NSD1: variants seen among roughly 807,000 people sequenced by gnomAD.
The protein encoded by NSD1 is histone-lysine N-methyltransferase, H3 lysine-36 specific.
NSD1 carries 26 observed loss-of-function variants against 242.7 expected under a neutral mutation model. That is an observed-to-expected ratio of 0.11 (90% CI 0.08 to 0.15). NSD1 has a LOEUF of 0.15. NSD1 is among the 10% of genes least tolerant of loss of function. The pLI, the probability that NSD1 is intolerant of heterozygous loss-of-function variation, is 1.00. For synonymous variants in NSD1, 1,106 were observed against 1,178.1 expected, an observed-to-expected ratio of 0.94 and a Z score of 1.25; for missense variants, 2,495 against 3,272.8, an observed-to-expected ratio of 0.76 and a Z score of 5.80.
At chr5:177,214,086 C>T (rs2149853267) in intron 5 of NSD1, among the ~76,000 whole-genome samples, 1 of 152,116 alleles carries the variant, frequency 6.6e-6, no homozygotes, top group South Asian at 2.1e-4. Context: ...AATTCCAGCA[C>T]TCTGGGAGGC....
intron 2 of NSD1, among the ~76,000 whole-genome samples, chr5:177,164,579 A>G (rs947237100): frequency 2.6e-5 from 4 of 152,144 alleles, no homozygotes; most frequent in Non-Finnish European, 5.9e-5. Context: ...CTTTCTGTAT[A>G]TTATACTGGA....
intron 2 of NSD1, among the ~76,000 whole-genome samples, chr5:177,161,233 T>C (rs961225334): frequency 8.6e-5 from 13 of 151,896 alleles, no homozygotes; most frequent in Non-Finnish European, 1.5e-5. Context: ...AAAAAATAAA[T>C]TAGCTGGGTG....
chr5:177,266,514 G>T, intron 14 of NSD1: 1 of 631,936 alleles, frequency 1.6e-6, no homozygotes, highest in Non-Finnish European at 2.8e-6. Context: ...TGCCCTCGAC[G>T]TTCGGCTTCT....
intron 2 of NSD1, chr5:177,136,774 A>T: frequency 1.8e-6 from 1 of 569,640 alleles, no homozygotes; most frequent in Non-Finnish European, 3.2e-6. Flanking sequence ...TTGTATCACC[A>T]TTAGCTCTTG....
chr5:177,265,936 T>C (rs1432409464), intron 14 of NSD1: 6 of 1,323,114 alleles, frequency 4.5e-6, no homozygotes, highest in Non-Finnish European at 6.5e-6. Flanking sequence ...CTACCTCCTT[T>C]ATGAGGCAGG....
intron 21 of NSD1, 67 bp from the exon 22 acceptor site, chr5:177,291,887 G>A (rs1282167304): frequency 9.1e-6 from 13 of 1,435,980 alleles, no homozygotes; most frequent in East Asian, 2.3e-5. Flanking sequence ...AGAGAGGGTA[G>A]TTAACCCGGT....
chr5:177,197,195 G>A (rs1434612133), intron 3 of NSD1, among the ~76,000 whole-genome samples: 1 of 151,836 alleles, frequency 6.6e-6, no homozygotes, highest in African/African-American at 2.4e-5. Context: ...GCTTAAACTT[G>A]GGAGGTGGAA....
chr5:177,173,034 G>GCA (rs1201422918), intron 2 of NSD1, among the ~76,000 whole-genome samples: 2 of 150,726 alleles, frequency 1.3e-5, no homozygotes, highest in Non-Finnish European at 3.0e-5. Flanking sequence ...GGTGGCTCAC[G>GCA]TGTAATCCCA....
At chr5:177,265,670 C>T (rs1237034178) in intron 14 of NSD1, 10 of 1,609,478 alleles carry the variant, frequency 6.2e-6, no homozygotes, top group Admixed American at 5.0e-5. Context: ...GGCGTTGGGC[C>T]GCATGCCGAT....
upstream of NSD1, among the ~76,000 whole-genome samples, chr5:177,132,000 G>A (rs1755918707): frequency 6.6e-6 from 1 of 152,204 alleles, no homozygotes; most frequent in South Asian, 2.1e-4. Flanking sequence ...AGGGCCCGAG[G>A]GGCTGGAGTC....
intron 15 of NSD1, among the ~76,000 whole-genome samples, chr5:177,268,367 A>G (rs1757683622): frequency 6.6e-6 from 1 of 150,524 alleles, no homozygotes; most frequent in Non-Finnish European, 1.5e-5. Flanking sequence ...TAGGAGATAT[A>G]CCTAATGCTA....
intron 5 of NSD1, among the ~76,000 whole-genome samples, chr5:177,216,789 G>A (rs893232524): frequency 4.0e-5 from 6 of 151,236 alleles, no homozygotes; most frequent in South Asian, 2.1e-4. Flanking sequence ...CCCAAAAAGC[G>A]GGGATTACAG....
Position 177,201,740 on chromosome 5 carries a change from G to A in NSD1, c.1064-2380G>A, listed in dbSNP as rs187721840. On this transcript the variant is annotated intron_variant, in intron 3 of 22. Coordinates refer to ENST00000439151, the MANE Select transcript of NSD1 (RefSeq NM_022455.5). The stretch of plus-strand genomic sequence containing the variant: ...CGCCCGGCTACTTTTTGTATTTTTA[G>A]TAGAGACAGGGCTTTACCATGTTGG... Among the ~76,000 whole-genome samples, 35 of 151,426 alleles carry A rather than the reference G, an allele frequency of 2.3e-4. 1 individual carries two copies. The highest frequency in any genetic ancestry group is 2.3e-3 in the South Asian group (11 of 4,816).
chr5:177,190,187 G>C (rs1417807518), intron 2 of NSD1, among the ~76,000 whole-genome samples: 3 of 151,920 alleles, frequency 2.0e-5, no homozygotes, highest in Admixed American at 2.0e-4. Flanking sequence ...AGACTCCTAG[G>C]CTGGAGTGAT....
intron 5 of NSD1, among the ~76,000 whole-genome samples, chr5:177,216,663 G>T (rs1294434269): frequency 2.0e-5 from 3 of 149,990 alleles, no homozygotes; most frequent in African/African-American, 7.4e-5. Flanking sequence ...TTATTTCAGG[G>T]ATCTCTGTTT....
intron 2 of NSD1, among the ~76,000 whole-genome samples, chr5:177,180,024 C>CT (rs1487435803): frequency 6.6e-6 from 1 of 152,116 alleles, no homozygotes; most frequent in Admixed American, 6.5e-5. Flanking sequence ...CCTTAGCCTC[C>CT]TGGGTAGCTG....
At chr5:177,147,592 G>T (rs1032862403) in intron 2 of NSD1, among the ~76,000 whole-genome samples, 7 of 150,998 alleles carry the variant, frequency 4.6e-5, no homozygotes, top group Admixed American at 2.6e-4. Flanking sequence ...TGTTTTTTTT[G>T]TTTGTTTTTT....
At position 177,295,704 on chromosome 5, in the gene NSD1, TC is replaced by T; in HGVS notation, c.*246del. On this transcript the variant is annotated 3_prime_UTR_variant, in exon 23 of 23. Transcript: ENST00000439151. This position sits in a 1 kb window ranked among gnomAD's most constrained non-coding sequence, Gnocchi z 4.3. ...CCAAGGAGACAGACAGACTTGGGTC[TC>T]TTTCCCCCAACTTTTCCACATGGTC... 5.2e-6 allele frequency: 3 copies of T among 576,300 alleles called. No individual in the cohort carries two copies. Among genetic ancestry groups the T allele is most frequent in the Non-Finnish European group, 9.3e-6 (3 of 322,934 alleles). 35.7% of individuals were successfully genotyped at this position (576,300 alleles called of 1,614,324 possible). A position where few individuals can be genotyped will look rare whatever the true frequency, so the allele number is the denominator to read the frequency against.
chr5:177,281,736 T>C (rs1348160199), intron 18 of NSD1, among the ~76,000 whole-genome samples: 1 of 152,182 alleles, frequency 6.6e-6, no homozygotes, highest in Non-Finnish European at 1.5e-5. Flanking sequence ...CACTGCAACC[T>C]TCAACTTCCA....
Sources: gnomAD v4.1 joint callset for allele counts (sites outside exome capture counted in the v4.1 genomes callset) on GRCh38, gnomAD v4.1.1 for gene constraint, Gnocchi (gnomAD v3.1) non-coding constraint, MANE v1.5 for transcripts, NCBI Gene and HGNC (gene_info 2026-07-23, HGNC 2026-07-21) for gene names.